The following TEKT5 variants were observed in gnomAD, a reference collection of about 807,000 sequenced individuals.
TEKT5 encodes the protein tektin 5.
In TEKT5, 52 loss-of-function variants were observed where a neutral mutation model predicts 48.7. The ratio of observed to expected loss-of-function variants is 1.07; its 90% confidence interval spans 0.86 to 1.35. The LOEUF is 1.35. Among genes scored for constraint, TEKT5 ranks in the 40% most tolerant of loss-of-function variants. The pLI, the probability that TEKT5 is intolerant of heterozygous loss-of-function variation, is 0.00. For missense variants in TEKT5, 831 were observed against 641.6 expected (o/e 1.30, Z -3.19); for synonymous variants, 318 against 267.6 (o/e 1.19, Z -1.84).
chr16:10,628,394 ACTTAC>A (rs1406550298), intron 6 of TEKT5, among the ~76,000 whole-genome samples: 1 of 152,246 alleles, frequency 6.6e-6, no homozygotes, highest in East Asian at 1.9e-4. Context: ...TTAGACATAG[ACTTAC>A]CACACAGTCC....
At chr16:10,694,159 G>T in intron 1 of TEKT5, 151 bp downstream of exon 1, 1 of 712,170 alleles carries the variant, frequency 1.4e-6, no homozygotes, top group Non-Finnish European at 2.3e-6. Flanking sequence ...ATCCTGAATT[G>T]ACTAAGATTG....
At chr16:10,680,457 ATT>A (rs58130091) in intron 4 of TEKT5, among the ~76,000 whole-genome samples, 70,278 of 147,306 alleles carry the variant, frequency 0.48, 17,754 homozygotes, top group East Asian at 0.81. Flanking sequence ...TGTGCTAGGG[ATT>A]TTTTTTTTTT....
intron 5 of TEKT5, among the ~76,000 whole-genome samples, chr16:10,638,058 T>C (rs4780964): frequency 0.14 from 21,582 of 152,162 alleles, 1,855 homozygotes; most frequent in African/African-American, 0.23. Context: ...GCAACCATCA[T>C]GCCTCAACCT....
chr16:10,660,826 G>T (rs112352908), intron 5 of TEKT5, among the ~76,000 whole-genome samples: 1 of 151,890 alleles, frequency 6.6e-6, no homozygotes, highest in Non-Finnish European at 1.5e-5. Context: ...TCAGCCTCCT[G>T]GGTAGCTGGG....
At chr16:10,660,610 G>A (rs551922767) in intron 5 of TEKT5, among the ~76,000 whole-genome samples, 53 of 151,736 alleles carry the variant, frequency 3.5e-4, no homozygotes, top group South Asian at 2.7e-3. Context: ...GCCCAGAGCC[G>A]CCACTTCCTT....
chr16:10,632,737 C>T lies in TEKT5; in HGVS notation c.1241+3027G>A, dbSNP rs375519900. The stretch of plus-strand genomic sequence containing the variant: ...GGCCCAAAGGCAGGAATGGAGAGGA[C>T]GGGGACAAGGAAGATCATGCACAGA... On this transcript the variant is annotated intron_variant, in intron 6 of 6. Coordinates refer to ENST00000283025, the MANE Select transcript of TEKT5 (RefSeq NM_144674.2). 5.2e-4 allele frequency among the ~76,000 whole-genome samples: 79 copies of T among 152,028 alleles called. 1 individual carries two copies. The highest frequency in any genetic ancestry group is 1.6e-3 in the African/African-American group (65 of 41,474).
At chr16:10,666,356 C>T (rs915688312) in intron 5 of TEKT5, among the ~76,000 whole-genome samples, 1 of 152,000 alleles carries the variant, frequency 6.6e-6, no homozygotes, top group Non-Finnish European at 1.5e-5. Flanking sequence ...GCCTGGAATT[C>T]CTTTAAAACA....
In TEKT5 at chr16:10,627,515, C is replaced by T; in HGVS notation, c.*68G>A. 6.6e-7 allele frequency: 1 copy of T among 1,519,264 alleles called. No individual in the cohort carries two copies. The highest frequency in any genetic ancestry group is 9.1e-7 in the Non-Finnish European group (1 of 1,100,870). The allele number at this position is 1,519,264 out of a possible 1,614,324, so 94.1% of individuals were successfully genotyped here. A position where few individuals can be genotyped will look rare whatever the true frequency, so the allele number is the denominator to read the frequency against. ...AAAGTCGGCCCTTTCAAACAAAATA[C>T]TGTTTTACTTTGTTTCTCAGCCTTT... On this transcript the variant is annotated 3_prime_UTR_variant, in exon 7 of 7. Coordinates refer to ENST00000283025, the MANE Select transcript of TEKT5 (RefSeq NM_144674.2).
intron 5 of TEKT5, among the ~76,000 whole-genome samples, chr16:10,657,740 C>G (rs1401985089): frequency 2.0e-5 from 3 of 151,394 alleles, no homozygotes; most frequent in Admixed American, 6.6e-5. Flanking sequence ...CAGGCGCCCA[C>G]CACTACGCCA....
intron 3 of TEKT5, among the ~76,000 whole-genome samples, chr16:10,685,352 T>C (rs566782034): frequency 7.0e-4 from 107 of 152,178 alleles, no homozygotes; most frequent in Non-Finnish European, 1.2e-3. Context: ...CGGACTGGAG[T>C]GCAGTGGCAC....
chr16:10,637,067 C>T (rs1434231064), intron 5 of TEKT5, among the ~76,000 whole-genome samples: 12 of 151,018 alleles, frequency 7.9e-5, no homozygotes, highest in Admixed American at 5.9e-4. Flanking sequence ...CTGCAAACTC[C>T]GCCTCCGGGG....
intron 5 of TEKT5, among the ~76,000 whole-genome samples, chr16:10,642,924 C>T (rs1898015491): frequency 6.6e-6 from 1 of 152,076 alleles, no homozygotes. Flanking sequence ...TGTTTTATGC[C>T]ACTGTAGGAT....
In TEKT5 at chr16:10,657,455, A is replaced by C. The variant is rs556894285; in HGVS notation, c.1086+18504T>G. 3.4e-4 allele frequency among the ~76,000 whole-genome samples: 52 copies of C among 152,234 alleles called. No homozygotes were observed. The South Asian group carries it at 0.011, about 32-fold the overall frequency. ...GAGCTGCTTTTAAACAACTGTATTT[A>C]GGATAGGAATCAAGAGGATAAGACA... On this transcript the variant is annotated intron_variant, in intron 5 of 6. Coordinates refer to ENST00000283025, the MANE Select transcript of TEKT5 (RefSeq NM_144674.2).
intron 1 of TEKT5, among the ~76,000 whole-genome samples, chr16:10,694,083 T>C (rs192774980): frequency 6.6e-6 from 1 of 152,108 alleles, no homozygotes; most frequent in East Asian, 1.9e-4. Context: ...CCCTGCAACT[T>C]TGATGTAGCT....
At chr16:10,681,884 C>G in intron 4 of TEKT5, 109 bp downstream of exon 4, 1 of 1,425,616 alleles carries the variant, frequency 7.0e-7, no homozygotes, top group Non-Finnish European at 9.6e-7. Flanking sequence ...AACCATGCCA[C>G]TTCCCACTTA....
rs546133425 is a variant in TEKT5, at chr16:10,650,883, TA to T, written c.1087-14966del. On this transcript the variant is annotated intron_variant, in intron 5 of 6. Coordinates refer to ENST00000283025, the MANE Select transcript of TEKT5 (RefSeq NM_144674.2). ...CTGGGTGACAGAGTAAGACTCCATC[TA>T]AAAAAAAAAAAAAAGCCACACCCAC... 7.2e-3 allele frequency among the ~76,000 whole-genome samples: 946 copies of T among 130,566 alleles called. 3 individuals carry two copies. The highest frequency in any genetic ancestry group is 0.015 in the African/African-American group (534 of 35,698). The allele number at this position is 130,566 out of a possible 152,430, so 85.7% of individuals were successfully genotyped here.
chr16:10,662,299 T>C (rs1261277244), intron 5 of TEKT5, among the ~76,000 whole-genome samples: 1 of 152,220 alleles, frequency 6.6e-6, no homozygotes, highest in Non-Finnish European at 1.5e-5. Context: ...GAACTGCTGC[T>C]TTAGATGTTG....
intron 5 of TEKT5, among the ~76,000 whole-genome samples, chr16:10,642,031 A>C (rs1898001414): frequency 1.3e-5 from 2 of 152,238 alleles, no homozygotes; most frequent in African/African-American, 4.8e-5. Context: ...GCAGGCTGGC[A>C]GGGCTGAGAC....
At chr16:10,632,150 A>G (rs1346833253) in intron 6 of TEKT5, among the ~76,000 whole-genome samples, 2 of 152,230 alleles carry the variant, frequency 1.3e-5, no homozygotes, top group Admixed American at 6.5e-5. Flanking sequence ...AGCTCTGTCC[A>G]ATAGAACTTT....
Sources: allele counts gnomAD v4.1 joint callset (sites outside exome capture counted in the v4.1 genomes callset), GRCh38; gene constraint gnomAD v4.1.1; transcripts MANE v1.5; gene names NCBI Gene and HGNC (gene_info 2026-07-23, HGNC 2026-07-21).